Variants in PGF observed in about 807,000 individuals in gnomAD.
PGF encodes the protein placenta growth factor.
Under a neutral mutation model 25.3 loss-of-function variants are expected in PGF, and 11 were observed. The observed-to-expected ratio is 0.43, with a 90% confidence interval of 0.27 to 0.72. PGF has a LOEUF of 0.72. Ranked by LOEUF, PGF falls within the 30% of genes least tolerant of loss-of-function variation. The probability of loss-of-function intolerance (pLI) is 0.18; values close to 1 mark genes in which losing one functional copy is unlikely to be tolerated. For missense variants in PGF, 230 were observed against 234.9 expected (o/e 0.98, Z 0.14); for synonymous variants, 105 against 97.9 (o/e 1.07, Z -0.43).
chr14:74,942,856 G>A, intron 6 of PGF, 123 bp from the exon 7 acceptor site: 2 of 782,978 alleles, frequency 2.6e-6, no homozygotes, highest in Non-Finnish European at 3.9e-6. Flanking sequence ...GGAGGGCGCA[G>A]TGCTCCTGGG....
At position 74,953,858 on chromosome 14, in the gene PGF, G is replaced by C. The variant is rs375372383; in HGVS notation, c.118+46C>G. 429 of 1,595,628 alleles carry C rather than the reference G, an allele frequency of 2.7e-4. 1 individual carries two copies. Among genetic ancestry groups the C allele is most frequent in the Non-Finnish European group, 3.1e-4 (355 of 1,163,248 alleles). On this transcript the variant is annotated intron_variant, in intron 2 of 6. Coordinates refer to ENST00000555567, the MANE Select transcript of PGF (RefSeq NM_002632.6). This position sits in a 1 kb window ranked among gnomAD's most constrained non-coding sequence, Gnocchi z 5.4. ...CACACCTGGGCTTGGGAGAAAGGAAGAGAGGGGCTTGGGGAGCATGCGTAC... is the reference window on the plus strand; with the variant it reads ...CACACCTGGGCTTGGGAGAAAGGAACAGAGGGGCTTGGGGAGCATGCGTAC...
At position 74,953,997 on chromosome 14, in the gene PGF, A is replaced by G; in HGVS notation, c.76-51T>C. 6.3e-7 allele frequency: 1 copy of G among 1,587,974 alleles called. No homozygotes were observed. The highest frequency in any genetic ancestry group is 8.6e-7 in the Non-Finnish European group (1 of 1,157,888). ...AGCTGGGGGTACCTTGGAGCTCTGC[A>G]CTCTTGGGCCAAGTGTGATGGCAAG... On this transcript the variant is annotated intron_variant, in intron 1 of 6. Coordinates refer to ENST00000555567, the MANE Select transcript of PGF (RefSeq NM_002632.6). This position sits in a 1 kb window ranked among gnomAD's most constrained non-coding sequence, Gnocchi z 5.4.
chr14:74,953,781 C>T lies in PGF; in HGVS notation c.118+123G>A. 1.0e-6 allele frequency: 1 copy of T among 975,670 alleles called. No homozygotes were observed. 60.4% of individuals were successfully genotyped at this position (975,670 alleles called of 1,614,324 possible). ...CTGCCAAAGTCATCACCCAGCATGT[C>T]TAGCTTGTAGGCTCTCCCCAGCTTT... On this transcript the variant is annotated intron_variant, in intron 2 of 6. Coordinates refer to ENST00000555567, the MANE Select transcript of PGF (RefSeq NM_002632.6). The surrounding 1 kb of genome is among the most constrained non-coding windows in gnomAD (Gnocchi z 5.4).
At chr14:74,943,134 G>A (rs1888642607) in intron 6 of PGF, among the ~76,000 whole-genome samples, 1 of 152,180 alleles carries the variant, frequency 6.6e-6, no homozygotes, top group South Asian at 2.1e-4. Flanking sequence ...CCCTAAGACA[G>A]CAGTCTCCAA....
chr14:74,953,986 T>A lies in PGF; in HGVS notation c.76-40A>T. The A allele has an allele frequency of 1.2e-6, 2 of 1,606,798 alleles. No individual in the cohort carries two copies. The highest frequency in any genetic ancestry group is 1.7e-6 in the Non-Finnish European group (2 of 1,174,012). Reference sequence around the variant, plus strand: ...GTGCAGAGGTGAGCTGGGGGTACCTTGGAGCTCTGCACTCTTGGGCCAAGT... The same window carrying A: ...GTGCAGAGGTGAGCTGGGGGTACCTAGGAGCTCTGCACTCTTGGGCCAAGT... On this transcript the variant is annotated intron_variant, in intron 1 of 6. Coordinates refer to ENST00000555567, the MANE Select transcript of PGF (RefSeq NM_002632.6). The surrounding 1 kb of genome is among the most constrained non-coding windows in gnomAD (Gnocchi z 5.4).
intron 6 of PGF, 182 bp downstream of exon 6, chr14:74,946,031 C>T: frequency 1.7e-6 from 1 of 598,784 alleles, no homozygotes; most frequent in Non-Finnish European, 3.0e-6. Flanking sequence ...TAAGCCGGGA[C>T]AAAAACCAAG....
chr14:74,942,799 T>C (rs1429902041), intron 6 of PGF, 66 bp from the exon 7 acceptor site: 3 of 1,460,968 alleles, frequency 2.1e-6, no homozygotes, highest in Non-Finnish European at 1.9e-6. Context: ...TCTCCTCCTA[T>C]GGAGGAGGGG....
intron 4 of PGF, 183 bp downstream of exon 4, chr14:74,948,324 G>T (rs948451907): frequency 2.3e-5 from 11 of 485,198 alleles, no homozygotes; most frequent in African/African-American, 8.0e-5. Flanking sequence ...ACTGGCTGGT[G>T]GGGGGACAAA....
chr14:74,954,722 C>T (rs1277509343), intron 1 of PGF, among the ~76,000 whole-genome samples: 2 of 152,176 alleles, frequency 1.3e-5, no homozygotes, highest in Non-Finnish European at 2.9e-5. Context: ...GTCCTGAGCC[C>T]TGGTGGGGGC....
At chr14:74,954,226 C>T (rs556184701) in intron 1 of PGF, 4 of 476,222 alleles carry the variant, frequency 8.4e-6, no homozygotes, top group African/African-American at 3.9e-5. Flanking sequence ...CAAAGATCTT[C>T]CAATCCTGCG....
At chr14:74,952,688 C>T (rs940544479) in intron 2 of PGF, among the ~76,000 whole-genome samples, 3 of 152,198 alleles carry the variant, frequency 2.0e-5, no homozygotes, top group Non-Finnish European at 4.4e-5. Context: ...AGATTGCAGA[C>T]TCCCTGATTG....
At position 74,952,547 on chromosome 14, in the gene PGF, C is replaced by T. The variant is rs1334318329; in HGVS notation, c.118+1357G>A. Among the ~76,000 whole-genome samples the T allele has an allele frequency of 2.6e-5, 4 of 152,230 alleles. No homozygotes were observed. In the East Asian group the frequency reaches 5.8e-4, roughly 22 times the overall value. On this transcript the variant is annotated intron_variant, in intron 2 of 6. Transcript: ENST00000555567. The stretch of plus-strand genomic sequence containing the variant: ...GACAGAAAATGCCTAACATTGTTAC[C>T]GTGAATAGTAATAGTAAAAATCAAT...
Position 74,948,570 on chromosome 14 carries a change from C to T in PGF, c.329G>A (p.Arg110His), listed in dbSNP as rs758097328. 56 of 1,602,528 alleles carry T rather than the reference C, an allele frequency of 3.5e-5. No homozygotes were observed. The highest frequency in any genetic ancestry group is 4.1e-5 in the Non-Finnish European group (48 of 1,171,382). Residue 110 changes from arginine (R) to histidine (H), a missense_variant, in exon 4 of 7, where the codon CGT becomes CAT. Physicochemically the swap from Arg to His is conservative, Grantham distance 29. Transcript: ENST00000555567. ...ANVTMQLLKI[R>H]SGDRPSYVEL... Reference sequence around the variant, plus strand: ...CACGTAGGAGGGCCGGTCCCCAGAACGGATCTTTAGGAGCTGAAGGAAGAA... The same window carrying T: ...CACGTAGGAGGGCCGGTCCCCAGAATGGATCTTTAGGAGCTGAAGGAAGAA...
chr14:74,952,176 G>C (rs1371356548), intron 2 of PGF, among the ~76,000 whole-genome samples: 1 of 152,242 alleles, frequency 6.6e-6, no homozygotes, highest in Non-Finnish European at 1.5e-5. Context: ...CACCTGGGAT[G>C]GGGGAGACCC....
chr14:74,948,466 G>A (rs200203341), intron 4 of PGF, 41 bp downstream of exon 4: 201 of 1,267,384 alleles, frequency 1.6e-4, no homozygotes, highest in Middle Eastern at 1.2e-3. Flanking sequence ...CCAAGAGGAC[G>A]GGGGCCTTTC....
At chr14:74,949,231 T>A (rs1309847925) in intron 3 of PGF, 126 bp downstream of exon 3, 2 of 708,348 alleles carry the variant, frequency 2.8e-6, no homozygotes, top group Non-Finnish European at 4.4e-6. Context: ...GGCCCTGGGC[T>A]GGGGTGGTAG....
At position 74,948,571 on chromosome 14, in the gene PGF, G is replaced by C. The variant is rs141182822; in HGVS notation, c.328C>G (p.Arg110Gly). The C allele has an allele frequency of 1.3e-5, 21 of 1,600,798 alleles. No individual in the cohort carries two copies. The highest frequency in any genetic ancestry group is 1.8e-5 in the Non-Finnish European group (21 of 1,170,060). Residue 110 changes from arginine to glycine, a missense_variant, in exon 4 of 7, where the codon CGT becomes GGT. By Grantham distance (125) the Arg-to-Gly change is moderately radical. Transcript: ENST00000555567. ...ANVTMQLLKI[R>G]SGDRPSYVEL... is the part of the protein sequence containing the mutation. ...ACGTAGGAGGGCCGGTCCCCAGAAC[G>C]GATCTTTAGGAGCTGAAGGAAGAAA...
chr14:74,948,656 T>C, intron 3 of PGF, 73 bp from the exon 4 acceptor site: 1 of 951,168 alleles, frequency 1.1e-6, no homozygotes, highest in Non-Finnish European at 1.6e-6. Flanking sequence ...TCTCTCTCCT[T>C]GTAAGGAGAA....
At chr14:74,943,783 T>C (rs1315182175) in intron 6 of PGF, among the ~76,000 whole-genome samples, 1 of 152,224 alleles carries the variant, frequency 6.6e-6, no homozygotes, top group Non-Finnish European at 1.5e-5. Flanking sequence ...TCTATTAAAA[T>C]AGGAAGTATT....
Sources: gnomAD v4.1 joint callset for allele counts (sites outside exome capture counted in the v4.1 genomes callset) on GRCh38, gnomAD v4.1.1 for gene constraint, Gnocchi (gnomAD v3.1) non-coding constraint, MANE v1.5 for transcripts, NCBI Gene and HGNC (gene_info 2026-07-23, HGNC 2026-07-21) for gene names.